The following ZNF385D variants were observed in gnomAD, a reference collection of about 807,000 sequenced individuals.
ZNF385D encodes the protein zinc finger protein 385D.
In ZNF385D, 15 loss-of-function variants were observed where a neutral mutation model predicts 35.8. That is an observed-to-expected ratio of 0.42 (90% confidence interval 0.28 to 0.64). The LOEUF (loss-of-function observed/expected upper bound fraction) is 0.64, where lower values mean the gene tolerates loss of function less well. Among genes scored for constraint, ZNF385D ranks in the 30% least tolerant of loss-of-function variants. ZNF385D has a pLI of 0.23. For synonymous variants in ZNF385D, 212 were observed against 186.8 expected (o/e 1.13, Z -1.10); for missense variants, 474 against 494.6 (o/e 0.96, Z 0.39).
chr3:21,664,732 A>C (rs2066351002), intron 2 of ZNF385D, among the ~76,000 whole-genome samples, 154 bp downstream of exon 2: 1 of 152,178 alleles, frequency 6.6e-6, no homozygotes, highest in Non-Finnish European at 1.5e-5. Flanking sequence ...GATTTTGCCT[A>C]ACCAAGCAAA....
chr3:21,780,942 G>A (rs1261793327), intron 3 of ZNF385D, among the ~76,000 whole-genome samples: 1 of 151,978 alleles, frequency 6.6e-6, no homozygotes, highest in Non-Finnish European at 1.5e-5. Context: ...TCTTCATAAG[G>A]CATCAACATA....
chr3:22,194,021 T>C (rs1249927881), intron 2 of ZNF385D, among the ~76,000 whole-genome samples: 2 of 152,016 alleles, frequency 1.3e-5, no homozygotes, highest in African/African-American at 4.8e-5. Flanking sequence ...TATTTTTGAT[T>C]AGGAGGTAGA....
intron 3 of ZNF385D, among the ~76,000 whole-genome samples, chr3:21,963,773 A>G (rs1421681896): frequency 6.6e-6 from 1 of 152,192 alleles, no homozygotes; most frequent in Non-Finnish European, 1.5e-5. Context: ...GTGATTAAAA[A>G]TGTATGTATG....
At chr3:22,295,851 G>A (rs554681689) in intron 2 of ZNF385D, among the ~76,000 whole-genome samples, 2 of 151,992 alleles carry the variant, frequency 1.3e-5, no homozygotes, top group Admixed American at 6.6e-5. Context: ...CCTGCCTCAC[G>A]GCCCCTCCCA....
At chr3:22,330,835 T>C (rs573579750) in intron 2 of ZNF385D, among the ~76,000 whole-genome samples, 2 of 152,252 alleles carry the variant, frequency 1.3e-5, no homozygotes, top group Non-Finnish European at 2.9e-5. Context: ...TTGCACTCTT[T>C]GTTCCTGTAA....
chr3:22,097,323 T>C (rs1474227362), intron 3 of ZNF385D, among the ~76,000 whole-genome samples: 1 of 152,008 alleles, frequency 6.6e-6, no homozygotes, highest in Non-Finnish European at 1.5e-5. Flanking sequence ...CTAAAATATA[T>C]GGTGTTGGGT....
At chr3:22,246,419 A>C (rs1373439445) in intron 2 of ZNF385D, among the ~76,000 whole-genome samples, 1 of 152,132 alleles carries the variant, frequency 6.6e-6, no homozygotes, top group Non-Finnish European at 1.5e-5. Context: ...GAATTGAGTG[A>C]CTATTTGTAG....
chr3:21,843,876 A>C (rs1170863464), intron 3 of ZNF385D, among the ~76,000 whole-genome samples: 1 of 151,920 alleles, frequency 6.6e-6, no homozygotes, highest in Non-Finnish European at 1.5e-5. Flanking sequence ...ATCATCAACC[A>C]CTCCATTCAA....
chr3:21,515,211 T>A (rs1340225518), intron 3 of ZNF385D, among the ~76,000 whole-genome samples: 1 of 152,212 alleles, frequency 6.6e-6, no homozygotes, highest in East Asian at 1.9e-4. Flanking sequence ...CTTATTTGGC[T>A]AAATAAGAAA....
Position 21,489,338 on chromosome 3 carries a change from C to CA in ZNF385D, c.439+21522dup, listed in dbSNP as rs530909657. Among the ~76,000 whole-genome samples the CA allele has an allele frequency of 2.0e-5, 3 of 152,036 alleles. No individual in the cohort carries two copies. In the East Asian group the frequency reaches 5.8e-4, roughly 29 times the overall value. On this transcript the variant is annotated intron_variant, in intron 4 of 7. Transcript: ENST00000281523. ...TCCTGGGGCTATTAAATCAGTGGAG[C>CA]AAAAAATAGGCACATTTGGTCCATA... is the stretch of plus-strand genomic sequence containing the variant.
At chr3:22,028,462 G>A (rs577411716) in intron 3 of ZNF385D, among the ~76,000 whole-genome samples, 1 of 152,300 alleles carries the variant, frequency 6.6e-6, no homozygotes, top group South Asian at 2.1e-4. Context: ...GCCAGCAGCA[G>A]AGACCAACAC....
intron 3 of ZNF385D, among the ~76,000 whole-genome samples, chr3:22,038,151 G>A (rs983661078): frequency 1.3e-5 from 2 of 152,150 alleles, no homozygotes; most frequent in Non-Finnish European, 2.9e-5. Context: ...CACCAACCTA[G>A]AGCAAATTGC....
At chr3:21,891,109 G>A (rs1198323367) in intron 3 of ZNF385D, among the ~76,000 whole-genome samples, 1 of 152,118 alleles carries the variant, frequency 6.6e-6, no homozygotes. Context: ...AATGGTTAAA[G>A]TAATACTCTA....
In ZNF385D at chr3:22,202,392, C is replaced by T. The variant is rs139858831; in HGVS notation, c.107-33357G>A. Among the ~76,000 whole-genome samples, 195 of 152,180 alleles carry T rather than the reference C, an allele frequency of 1.3e-3. 1 individual carries two copies. The highest frequency in any genetic ancestry group is 4.4e-3 in the African/African-American group (181 of 41,540). ...CTTTTCAGAGAGATCACAGAAAATA[C>T]TAGCATAATCTCCTGGTGCCATACA... On this transcript the variant is annotated intron_variant, in intron 2 of 5. Coordinates refer to the ZNF385D transcript ENST00000494108.
intron 3 of ZNF385D, among the ~76,000 whole-genome samples, chr3:21,957,518 G>C (rs1187836413): frequency 6.6e-6 from 1 of 152,110 alleles, no homozygotes; most frequent in African/African-American, 2.4e-5. Context: ...GGAACTTGTT[G>C]AGAACTGGAG....
chr3:22,108,105 T>G (rs1047930833), intron 3 of ZNF385D, among the ~76,000 whole-genome samples: 1 of 151,930 alleles, frequency 6.6e-6, no homozygotes, highest in Non-Finnish European at 1.5e-5. Context: ...AAATGTCTAT[T>G]CTTTACAAAT....
intron 3 of ZNF385D, among the ~76,000 whole-genome samples, chr3:22,047,826 G>A (rs1249823989): frequency 2.0e-5 from 3 of 152,066 alleles, no homozygotes; most frequent in African/African-American, 7.2e-5. Flanking sequence ...TTTTCATACT[G>A]TTTTCCATAA....
intron 3 of ZNF385D, among the ~76,000 whole-genome samples, chr3:21,993,886 A>C (rs1033272421): frequency 2.0e-5 from 3 of 152,090 alleles, no homozygotes; most frequent in Non-Finnish European, 4.4e-5. Context: ...CTTTTTGTAT[A>C]ATTTCTGCTT....
At chr3:21,464,596 T>A (rs1703388591) in intron 4 of ZNF385D, among the ~76,000 whole-genome samples, 1 of 152,160 alleles carries the variant, frequency 6.6e-6, no homozygotes, top group African/African-American at 2.4e-5. Context: ...CGCTCTAGAA[T>A]TGCAGTTTTT....
Sources: allele counts gnomAD v4.1 joint callset (sites outside exome capture counted in the v4.1 genomes callset), GRCh38; gene constraint gnomAD v4.1.1; transcripts MANE v1.5; gene names NCBI Gene and HGNC (gene_info 2026-07-23, HGNC 2026-07-21).